The following SEMA4A variants were observed in gnomAD, a reference collection of about 807,000 sequenced individuals.
The protein encoded by SEMA4A is semaphorin 4A.
A neutral mutation model predicts 72.5 loss-of-function variants in SEMA4A; 52 were observed. The ratio of observed to expected loss-of-function variants is 0.72; its 90% CI spans 0.57 to 0.90. The LOEUF (loss-of-function observed/expected upper bound fraction) is 0.90, where lower values mean the gene tolerates loss of function less well. SEMA4A is among the 40% of genes least tolerant of loss of function. The pLI, the probability that SEMA4A is intolerant of heterozygous loss-of-function variation, is 0.00. For synonymous variants in SEMA4A, 369 were observed against 393.1 expected (o/e 0.94, Z 0.73); for missense variants, 926 against 959.7 (o/e 0.96, Z 0.46).
rs1653147257 is a variant in SEMA4A, at chr1:156,157,486, T to C, written c.301-584T>C. On this transcript the variant is annotated intron_variant, in intron 3 of 14. Transcript: ENST00000368285. The surrounding 1 kb of genome is among the most constrained non-coding windows in gnomAD (Gnocchi z 4.5). ...GGTGTGAGCCACTGTGCCTGGCTGC[T>C]TCTGTCTTAGTCGCCCTATTAATGG... 6.6e-6 allele frequency among the ~76,000 whole-genome samples: 1 copy of C among 152,156 alleles called. No homozygotes were observed. Among genetic ancestry groups the C allele is most frequent in the Admixed American group, 6.5e-5 (1 of 15,276 alleles).
upstream of SEMA4A, among the ~76,000 whole-genome samples, chr1:156,148,322 C>G (rs528070612): frequency 2.6e-5 from 4 of 152,204 alleles, no homozygotes; most frequent in Admixed American, 2.0e-4. Flanking sequence ...GAAGCCTGAA[C>G]AGGCAGGTCC....
At position 156,154,597 on chromosome 1, in the gene SEMA4A, G is replaced by T; in HGVS notation, c.19G>T (p.Gly7Cys). 1 of 1,610,888 alleles carries T rather than the reference G, an allele frequency of 6.2e-7. No individual in the cohort carries two copies. Reference protein sequence around the residue: MALPALGLDPWSLLGLF... With the variant: MALPALCLDPWSLLGLF... Reference sequence around the variant, plus strand: ...GCTGAGCATGGCCCTCCCAGCCCTGGGCCTGGACCCCTGGAGCCTCCTGGG... The same window carrying T: ...GCTGAGCATGGCCCTCCCAGCCCTGTGCCTGGACCCCTGGAGCCTCCTGGG... Residue 7 changes from glycine (G) to cysteine (C), a missense_variant, in exon 2 of 15, where the codon GGC (glycine) becomes TGC (cysteine). Transcript: ENST00000368285.
intron 10 of SEMA4A, among the ~76,000 whole-genome samples, chr1:156,165,829 A>T (rs1558155099): frequency 6.6e-6 from 1 of 151,014 alleles, no homozygotes; most frequent in African/African-American, 2.4e-5. Flanking sequence ...TGGGTACTCA[A>T]TGGGCCACTT....
At chr1:156,153,124 AG>A (rs1322951391), upstream of SEMA4A, among the ~76,000 whole-genome samples, 3 of 152,130 alleles carry the variant, frequency 2.0e-5, no homozygotes, top group South Asian at 6.2e-4. Context: ...TTAGACTGCA[AG>A]GGGGACTTCC....
At chr1:156,164,762 C>G (rs1182050226) in intron 10 of SEMA4A, among the ~76,000 whole-genome samples, 1 of 151,790 alleles carries the variant, frequency 6.6e-6, no homozygotes, top group East Asian at 1.9e-4. Context: ...ATTATCTTGA[C>G]TTTTCTGCTT....
rs770297667 is a variant in SEMA4A at position 156,177,006 on chromosome 1, C to G, written c.*9C>G. ...GCACTGAGGTAGCTTAAACTCTAGG[C>G]ACAGGCCGGGGCTGCGGTGCAGGCA... On this transcript the variant is annotated 3_prime_UTR_variant, in exon 15 of 15. Coordinates refer to ENST00000368285, the MANE Select transcript of SEMA4A (RefSeq NM_022367.4). 1.2e-6 allele frequency: 2 copies of G among 1,604,876 alleles called. No homozygotes were observed. The highest frequency in any genetic ancestry group is 2.2e-5 in the South Asian group (2 of 91,070).
In SEMA4A at chr1:156,158,447, C is replaced by A; in HGVS notation, c.423C>A (p.Thr141=). ...LVSYNVTHLY[T]CGTFAFSPAC... is the part of the protein sequence containing the mutation. ...CTTACAATGTCACCCATCTCTACAC[C>A]TGCGGCACCTTCGCCTTCAGCCCTG... The change falls in exon 5 of 15, where the codon ACC becomes ACA. Residue 141 remains threonine, a synonymous_variant. Coordinates refer to ENST00000368285, the MANE Select transcript of SEMA4A (RefSeq NM_022367.4). 1 of 1,614,078 alleles carries A rather than the reference C, an allele frequency of 6.2e-7. No homozygotes were observed. The highest frequency in any genetic ancestry group is 8.5e-7 in the Non-Finnish European group (1 of 1,179,962).
rs201715448 is a variant in SEMA4A at position 156,160,931 on chromosome 1, C to T, written c.712C>T (p.Pro238Ser). The T allele has an allele frequency of 3.3e-5, 53 of 1,613,598 alleles. No individual in the cohort carries two copies. In the East Asian group the frequency reaches 1.2e-3, roughly 36 times the overall value. Residue 238 changes from proline (P) to serine (S), a missense_variant, in exon 8 of 15, where the codon CCT (proline) becomes TCT (serine). Physicochemically the swap from Pro to Ser is moderately conservative, Grantham distance 74. Coordinates refer to ENST00000368285, the MANE Select transcript of SEMA4A (RefSeq NM_022367.4). ...HHDASFVAAI[P>S]STQVVYFFFE... The stretch of plus-strand genomic sequence containing the variant: ...TGACGCCTCCTTTGTGGCAGCCATC[C>T]CTTCGACCCAGGTCGTCTACTTCTT...
Position 156,172,968 on chromosome 1 carries a change from T to C in SEMA4A, c.1277T>C (p.Leu426Pro). ...CTTGCAGTGGAGACAGCCCAGGGCC[T>C]TGATGGGCACAGCCATCTTGTCATG... ...TRLAVETAQG[L>P]DGHSHLVMYL... Residue 426 changes from leucine to proline, a missense_variant, in exon 11 of 15, where the codon CTT becomes CCT. Transcript: ENST00000368285. 6.2e-7 allele frequency: 1 copy of C among 1,614,078 alleles called. No homozygotes were observed. The highest frequency in any genetic ancestry group is 8.5e-7 in the Non-Finnish European group (1 of 1,179,946).
chr1:156,174,868 T>C lies in SEMA4A; in HGVS notation c.1362T>C (p.Ala454=). ...CTGTGGTAAGTGGGGACAGCAGTGC[T>C]CATCTGGTGGAAGAGATTCAGCTGT... is the stretch of plus-strand genomic sequence containing the variant. ...HKAVVSGDSS[A]HLVEEIQLFP... Residue 454 remains alanine, a synonymous_variant, in exon 12 of 15, where the codon GCT becomes GCC. Coordinates refer to ENST00000368285, the MANE Select transcript of SEMA4A (RefSeq NM_022367.4). 4.3e-6 allele frequency: 7 copies of C among 1,614,180 alleles called. No individual in the cohort carries two copies. The highest frequency in any genetic ancestry group is 5.9e-6 in the Non-Finnish European group (7 of 1,180,024).
At chr1:156,156,271 T>C in intron 2 of SEMA4A, 143 bp from the exon 3 acceptor site, 1 of 751,674 alleles carries the variant, frequency 1.3e-6, no homozygotes, top group Non-Finnish European at 2.3e-6. Flanking sequence ...AGGGAAGAAC[T>C]GCTGGTGGAG....
chr1:156,160,822 G>A, intron 7 of SEMA4A, 83 bp from the exon 8 acceptor site: 1 of 1,601,298 alleles, frequency 6.2e-7, no homozygotes, highest in Non-Finnish European at 8.5e-7. Flanking sequence ...CTGGCCTCCA[G>A]GGCCAAACCA....
chr1:156,158,028 C>G (rs1572393105), intron 3 of SEMA4A, 42 bp from the exon 4 acceptor site: 12 of 1,607,124 alleles, frequency 7.5e-6, no homozygotes, highest in Non-Finnish European at 1.0e-5. Context: ...AACTGAGGAC[C>G]TTATTTCTTT....
chr1:156,174,753 G>A (rs1212182392), intron 11 of SEMA4A, 69 bp from the exon 12 acceptor site: 2 of 1,604,582 alleles, frequency 1.2e-6, no homozygotes, highest in Non-Finnish European at 1.7e-6. Flanking sequence ...AGCTGGGGAG[G>A]CCCCCGGAAG....
At chr1:156,175,428 G>T (rs116584820) in intron 13 of SEMA4A, 128 bp from the exon 14 acceptor site, 1 of 1,097,440 alleles carries the variant, frequency 9.1e-7, no homozygotes, top group Non-Finnish European at 1.4e-6. Context: ...TGGCCATTCC[G>T]CGTTCCTCTC....
In SEMA4A at chr1:156,176,627, G is replaced by T; in HGVS notation, c.1916G>T (p.Trp639Leu). Residue 639 changes from tryptophan to leucine, a missense_variant, in exon 15 of 15, where the codon TGG becomes TTG. By Grantham distance (61) the Trp-to-Leu change is moderately conservative. Coordinates refer to ENST00000368285, the MANE Select transcript of SEMA4A (RefSeq NM_022367.4). ...NGFSYPVISYWVDSQDQTLAL... is the reference protein window; with the variant it reads ...NGFSYPVISYLVDSQDQTLAL... ...TTTTCATACCCTGTGATCTCCTACTGGGTGGACAGCCAGGACCAGACCCTG... is the reference window on the plus strand; with the variant it reads ...TTTTCATACCCTGTGATCTCCTACTTGGTGGACAGCCAGGACCAGACCCTG... 6.2e-7 allele frequency: 1 copy of T among 1,614,172 alleles called. No individual in the cohort carries two copies. Among genetic ancestry groups the T allele is most frequent in the Non-Finnish European group, 8.5e-7 (1 of 1,180,036 alleles).
intron 10 of SEMA4A, chr1:156,163,379 AG>A (rs1341890216): frequency 4.4e-6 from 2 of 450,622 alleles, no homozygotes; most frequent in Non-Finnish European, 8.2e-6. Context: ...CTGTGTGCCA[AG>A]GACTGTCTTG....
rs776339452 is a variant in SEMA4A at position 156,160,950 on chromosome 1, ACTT to A, written c.739_741del (p.Phe247del). 8.7e-6 allele frequency: 14 copies of A among 1,612,374 alleles called. No homozygotes were observed. Among genetic ancestry groups the A allele is most frequent in the Middle Eastern group, 1.7e-4 (1 of 6,058 alleles). On this transcript the variant is annotated inframe_deletion, in exon 8 of 15. Coordinates refer to ENST00000368285, the MANE Select transcript of SEMA4A (RefSeq NM_022367.4). ...GCCATCCCTTCGACCCAGGTCGTCT[ACTT>A]CTTCTTCGAGGAGACAGCCAGCGAG...
intron 14 of SEMA4A, 33 bp from the exon 15 acceptor site, chr1:156,176,372 C>T: frequency 1.3e-6 from 2 of 1,512,306 alleles, no homozygotes; most frequent in Non-Finnish European, 1.8e-6. Flanking sequence ...TCACTTCTCC[C>T]TTAACCCTTT....
Sources: gnomAD v4.1 joint callset for allele counts (sites outside exome capture counted in the v4.1 genomes callset) on GRCh38, gnomAD v4.1.1 for gene constraint, Gnocchi (gnomAD v3.1) non-coding constraint, MANE v1.5 for transcripts, NCBI Gene and HGNC (gene_info 2026-07-23, HGNC 2026-07-21) for gene names.